SAMD7: variants seen among roughly 807,000 people sequenced by gnomAD.
SAMD7 encodes the protein sterile alpha motif domain containing 7, also known as sterile alpha motif domain-containing protein 7.
A neutral mutation model predicts 36.7 loss-of-function variants in SAMD7; 34 were observed. The ratio of observed to expected loss-of-function variants is 0.93; its 90% CI spans 0.71 to 1.23. SAMD7 has a LOEUF of 1.23. SAMD7 is among the 50% of genes most tolerant of loss of function. The pLI, the probability that SAMD7 is intolerant of heterozygous loss-of-function variation, is 0.00. For missense variants in SAMD7, 570 were observed against 546.6 expected (o/e 1.04, Z -0.43); for synonymous variants, 188 against 189.7 (o/e 0.99, Z 0.07).
chr3:169,927,570 C>T (rs1418854094), intron 6 of SAMD7, among the ~76,000 whole-genome samples: 3 of 152,108 alleles, frequency 2.0e-5, no homozygotes, highest in Non-Finnish European at 1.5e-5. Flanking sequence ...GCTGGGATTA[C>T]AGGCGTGAGC....
intron 6 of SAMD7, 107 bp downstream of exon 6, chr3:169,927,288 T>C (rs1713312713): frequency 3.8e-6 from 1 of 266,524 alleles, no homozygotes; most frequent in Non-Finnish European, 5.1e-6. Context: ...TATCTTTCTT[T>C]TTTTTTTTTT....
chr3:169,917,031 G>A (rs1010866048), intron 2 of SAMD7, among the ~76,000 whole-genome samples: 4 of 152,194 alleles, frequency 2.6e-5, no homozygotes, highest in Non-Finnish European at 5.9e-5. Context: ...AACTCTCTGA[G>A]GCCACTATCA....
intron 4 of SAMD7, among the ~76,000 whole-genome samples, chr3:169,923,082 C>A (rs953874885): frequency 6.6e-6 from 1 of 152,138 alleles, no homozygotes; most frequent in Non-Finnish European, 1.5e-5. Context: ...TCTTCTATCC[C>A]CCCCAAAACC....
chr3:169,929,646 T>C (rs981198585), intron 7 of SAMD7, among the ~76,000 whole-genome samples: 2 of 152,192 alleles, frequency 1.3e-5, no homozygotes, highest in African/African-American at 4.8e-5. Context: ...GTGCCTCAGT[T>C]GTTTTATCTG....
intron 2 of SAMD7, among the ~76,000 whole-genome samples, chr3:169,916,273 T>C (rs1405575603): frequency 6.6e-6 from 1 of 152,076 alleles, no homozygotes; most frequent in Non-Finnish European, 1.5e-5. Flanking sequence ...TAGGGGGTGA[T>C]GGAAGTGGAG....
chr3:169,928,307 G>A, intron 6 of SAMD7, 150 bp from the exon 7 acceptor site: 2 of 579,264 alleles, frequency 3.5e-6, no homozygotes, highest in South Asian at 5.4e-5. Context: ...GGCAGCTGAA[G>A]CTTTTAGAAA....
chr3:169,925,234 T>TAACA (rs1713208926), intron 5 of SAMD7, 98 bp downstream of exon 5: 1 of 714,204 alleles, frequency 1.4e-6, no homozygotes, highest in Non-Finnish European at 2.3e-6. Flanking sequence ...TGAATATATA[T>TAACA]AACAAATAAA....
intron 1 of SAMD7, 96 bp from the exon 2 acceptor site, chr3:169,915,271 G>A (rs1234096360): frequency 6.6e-6 from 1 of 152,318 alleles, no homozygotes; most frequent in African/African-American, 2.4e-5. Context: ...AGCCTTTCTT[G>A]ACTTTTCCCT....
intron 1 of SAMD7, among the ~76,000 whole-genome samples, chr3:169,913,806 C>T (rs1003496996): frequency 2.0e-5 from 3 of 152,198 alleles, no homozygotes; most frequent in African/African-American, 7.2e-5. Flanking sequence ...TGAAAGTTCA[C>T]ATTTAAAGAC....
At chr3:169,935,251 G>A (rs546881258) in intron 7 of SAMD7, among the ~76,000 whole-genome samples, 1 of 152,298 alleles carries the variant, frequency 6.6e-6, no homozygotes, top group South Asian at 2.1e-4. Context: ...TTTAATGATG[G>A]TGGAGACTTA....
At position 169,917,930 on chromosome 3, in the gene SAMD7, T is replaced by C. The variant is rs373193443; in HGVS notation, c.-41-1528T>C. Among the ~76,000 whole-genome samples the C allele has an allele frequency of 7.8e-3, 1,133 of 145,904 alleles. 11 individuals are homozygous for C. The highest frequency in any genetic ancestry group is 0.027 in the African/African-American group (1,055 of 39,168). ...TGCTGGGATTACAGGCATGAGCCAC[T>C]GCACCCGGCCTGTTTGTTTATTTTT... On this transcript the variant is annotated intron_variant, in intron 2 of 8. Transcript: ENST00000335556.
chr3:169,911,882 A>G (rs913034354), intron 1 of SAMD7, 61 bp downstream of exon 1: 3 of 152,218 alleles, frequency 2.0e-5, no homozygotes, highest in Non-Finnish European at 4.4e-5. Context: ...TCTGAGTAAA[A>G]TGTTTCACAT....
In SAMD7 at chr3:169,933,558, G is replaced by A. The variant is rs1386781162; in HGVS notation, c.1042-2781G>A. ...ATTTTCATAGATGAATACTGGGATT[G>A]GCTCTGGAGTGTGTGTTTTGAGTGG... is the stretch of plus-strand genomic sequence containing the variant. On this transcript the variant is annotated intron_variant, in intron 7 of 8. Transcript: ENST00000335556. Among the ~76,000 whole-genome samples the A allele has an allele frequency of 2.0e-5, 3 of 152,346 alleles. No homozygotes were observed. In the East Asian group the frequency reaches 5.8e-4, roughly 29 times the overall value.
At chr3:169,933,835 G>A (rs751962732) in intron 7 of SAMD7, among the ~76,000 whole-genome samples, 3 of 152,168 alleles carry the variant, frequency 2.0e-5, no homozygotes, top group Non-Finnish European at 4.4e-5. Context: ...ACATCCATAC[G>A]AGCACGTTGT....
intron 8 of SAMD7, 100 bp from the exon 9 acceptor site, chr3:169,938,218 A>G: frequency 1.4e-6 from 1 of 735,870 alleles, no homozygotes; most frequent in Non-Finnish European, 2.3e-6. Context: ...TAGATGCTCC[A>G]TGCCTGAAAT....
chr3:169,923,884 T>C (rs1203788919), intron 4 of SAMD7, among the ~76,000 whole-genome samples: 1 of 152,238 alleles, frequency 6.6e-6, no homozygotes, highest in Non-Finnish European at 1.5e-5. Flanking sequence ...CAGTGAATTA[T>C]ACAACTGAAC....
At chr3:169,931,294 G>A (rs1415704987) in intron 7 of SAMD7, among the ~76,000 whole-genome samples, 1 of 152,230 alleles carries the variant, frequency 6.6e-6, no homozygotes, top group East Asian at 1.9e-4. Flanking sequence ...TGGTGAGAAA[G>A]AAGGGGGTAC....
In SAMD7 at chr3:169,921,200, C is replaced by A. The variant is rs755665644; in HGVS notation, c.87-14C>A. 8 of 1,612,780 alleles carry A rather than the reference C, an allele frequency of 5.0e-6. No homozygotes were observed. Among genetic ancestry groups the A allele is most frequent in the East Asian group, 4.5e-5 (2 of 44,856 alleles). Reference sequence around the variant, plus strand: ...TCATTTTACCTATTTTATTTTATATCTTTTTGTTCTCAGAGATGTATTGCC... The same window carrying A: ...TCATTTTACCTATTTTATTTTATATATTTTTGTTCTCAGAGATGTATTGCC... On this transcript the variant is annotated splice_polypyrimidine_tract_variant and intron_variant, in intron 3 of 8. Transcript: ENST00000335556.
At chr3:169,918,182 C>A (rs1712896090) in intron 2 of SAMD7, among the ~76,000 whole-genome samples, 2 of 152,162 alleles carry the variant, frequency 1.3e-5, no homozygotes, top group African/African-American at 4.8e-5. Flanking sequence ...AAACGATCCG[C>A]CTGCCTCAGC....
Sources: gnomAD v4.1 joint callset for allele counts (sites outside exome capture counted in the v4.1 genomes callset) on GRCh38, gnomAD v4.1.1 for gene constraint, MANE v1.5 for transcripts, NCBI Gene and HGNC (gene_info 2026-07-23, HGNC 2026-07-21) for gene names.